PLEKHG1: variants seen among roughly 807,000 people sequenced by gnomAD.
PLEKHG1 encodes the protein pleckstrin homology and RhoGEF domain containing G1.
Under a neutral mutation model 100.8 loss-of-function variants are expected in PLEKHG1, and 44 were observed. The observed-to-expected ratio is 0.44, with a 90% CI of 0.34 to 0.56. PLEKHG1 has a LOEUF of 0.56. Among genes scored for constraint, PLEKHG1 ranks in the 20% least tolerant of loss-of-function variants. The probability of loss-of-function intolerance (pLI) is 0.01; values close to 1 mark genes in which losing one functional copy is unlikely to be tolerated. For synonymous variants in PLEKHG1, 640 were observed against 662.5 expected (o/e 0.97, Z 0.52); for missense variants, 1,545 against 1,720.9 (o/e 0.90, Z 1.81).
intron 3 of PLEKHG1, among the ~76,000 whole-genome samples, chr6:150,677,626 T>C (rs942262924): frequency 6.6e-6 from 1 of 152,066 alleles, no homozygotes; most frequent in Non-Finnish European, 1.5e-5. Flanking sequence ...TGTCAGTGCT[T>C]TGGGAAGCTG....
chr6:150,602,819 A>C (rs752600725), intron 1 of PLEKHG1, among the ~76,000 whole-genome samples: 1 of 152,220 alleles, frequency 6.6e-6, no homozygotes, highest in Non-Finnish European at 1.5e-5. Flanking sequence ...TGTTGGTTGC[A>C]TGGAGACATA....
chr6:150,833,506 C>G, intron 15 of PLEKHG1, among the ~76,000 whole-genome samples: 1 of 152,188 alleles, frequency 6.6e-6, no homozygotes, highest in Non-Finnish European at 1.5e-5. Flanking sequence ...AGGATCAGGA[C>G]TATGGGAATG....
chr6:150,626,697 G>A (rs1777527373), intron 1 of PLEKHG1, among the ~76,000 whole-genome samples: 1 of 152,144 alleles, frequency 6.6e-6, no homozygotes, highest in Non-Finnish European at 1.5e-5. Flanking sequence ...CATTTCAGAA[G>A]GGCTCAAAGG....
At chr6:150,670,518 A>G (rs375027391) in intron 3 of PLEKHG1, among the ~76,000 whole-genome samples, 127 of 152,340 alleles carry the variant, frequency 8.3e-4, no homozygotes, top group African/African-American at 2.9e-3. Context: ...CACAAATCTG[A>G]GCATGGGCGC....
chr6:150,830,882 G>A lies in PLEKHG1; in HGVS notation c.1771G>A (p.Gly591Arg), dbSNP rs1286974310. 1.5e-5 allele frequency: 25 copies of A among 1,614,016 alleles called. No individual in the cohort carries two copies. Among genetic ancestry groups the A allele is most frequent in the Non-Finnish European group, 1.9e-5 (23 of 1,180,016 alleles). The change falls in exon 15 of 16, where the codon GGA becomes AGA. Residue 591 changes from glycine to arginine, a missense_variant. Physicochemically the swap from Gly to Arg is moderately radical, Grantham distance 125 (BLOSUM62 -2). Coordinates refer to ENST00000358517, the Ensembl canonical transcript of PLEKHG1. ...TAGTCGCCCTTGCAGCTGGCATATG[G>A]GACAGATGGAGTCCACAGAGACCTC...
chr6:150,685,274 A>G (rs2128590816), intron 3 of PLEKHG1, among the ~76,000 whole-genome samples: 1 of 152,102 alleles, frequency 6.6e-6, no homozygotes, highest in South Asian at 2.1e-4. Context: ...AGCCTGTTTT[A>G]TTGACTCTGG....
rs1337947075 is a variant in PLEKHG1 at position 150,742,581 on chromosome 6, A to G, written c.411+8489A>G. Among the ~76,000 whole-genome samples the G allele has an allele frequency of 1.7e-4, 26 of 150,608 alleles. 1 individual carries two copies. In the South Asian group the frequency reaches 5.1e-3, roughly 29 times the overall value. ...CTCCATCTCAAAAAAAAAAAAAAAA[A>G]AAAAAAAAAAAGAGCGCAGGGAGGG... On this transcript the variant is annotated intron_variant, in intron 2 of 15. Transcript: ENST00000358517.
exon 3 of PLEKHG1, chr6:150,768,664 A>G (rs773864877): frequency 6.2e-7 from 1 of 1,612,718 alleles, no homozygotes; most frequent in African/African-American, 1.3e-5. Context: ...TCAGGGACCA[A>G]ACAAAACTTC....
intron 1 of PLEKHG1, among the ~76,000 whole-genome samples, chr6:150,601,287 C>T (rs982532342): frequency 5.3e-5 from 8 of 152,204 alleles, no homozygotes; most frequent in African/African-American, 1.9e-4. Context: ...CTGTTAAAAA[C>T]ATTTCCAAGC....
At chr6:150,818,137 G>GAA in intron 10 of PLEKHG1, 46 bp from the exon 12 acceptor site, 9 of 1,486,768 alleles carry the variant, frequency 6.1e-6, no homozygotes, top group Non-Finnish European at 8.4e-6. Flanking sequence ...GGAGTTTAAA[G>GAA]AAAAAAAAAG....
At chr6:150,691,559 G>A (rs1434468226) in intron 3 of PLEKHG1, among the ~76,000 whole-genome samples, 1 of 152,184 alleles carries the variant, frequency 6.6e-6, no homozygotes, top group South Asian at 2.1e-4. Flanking sequence ...CTGTAGAGCT[G>A]TACACCCTGT....
intron 3 of PLEKHG1, among the ~76,000 whole-genome samples, chr6:150,778,128 A>G (rs1785097763): frequency 6.6e-6 from 1 of 152,170 alleles, no homozygotes; most frequent in Admixed American, 6.5e-5. Flanking sequence ...CCTGGTTTGC[A>G]ATTCCATTCT....
intron 3 of PLEKHG1, among the ~76,000 whole-genome samples, chr6:150,785,667 C>A (rs1176230251): frequency 6.6e-6 from 1 of 152,090 alleles, no homozygotes. Flanking sequence ...CTTGACTCTT[C>A]CAATGGATTG....
At chr6:150,760,839 C>T (rs562952693) in intron 2 of PLEKHG1, among the ~76,000 whole-genome samples, 2 of 151,804 alleles carry the variant, frequency 1.3e-5, no homozygotes, top group Non-Finnish European at 2.9e-5. Context: ...ACTGCAATTT[C>T]GAAAATAAAT....
intron 13 of PLEKHG1, 149 bp downstream of exon 14, chr6:150,821,382 A>G (rs1264555739): frequency 3.0e-6 from 2 of 664,460 alleles, no homozygotes; most frequent in Admixed American, 2.7e-5. Context: ...AAAGTGTCCC[A>G]TTATAAAATA....
At chr6:150,836,648 C>T (rs1777235286) in intron 15 of PLEKHG1, among the ~76,000 whole-genome samples, 1 of 151,964 alleles carries the variant, frequency 6.6e-6, no homozygotes, top group Non-Finnish European at 1.5e-5. Context: ...AAGACTTTCT[C>T]TCTACAAAAA....
chr6:150,830,475 A>C, intron 14 of PLEKHG1, 107 bp from the exon 16 acceptor site: 1 of 772,070 alleles, frequency 1.3e-6, no homozygotes, highest in East Asian at 2.6e-5. Context: ...ATAAAAGAAT[A>C]TTAAAGCCTA....
chr6:150,722,679 C>T (rs190724669), intron 1 of PLEKHG1, among the ~76,000 whole-genome samples: 1 of 152,268 alleles, frequency 6.6e-6, no homozygotes, highest in East Asian at 1.9e-4. Context: ...AAGAACATGT[C>T]TAATGTACTT....
exon 2 of PLEKHG1, chr6:150,733,631 C>T (rs1782397129): frequency 1.2e-6 from 2 of 1,613,880 alleles, no homozygotes; most frequent in Middle Eastern, 1.6e-4. Flanking sequence ...AACCAAAGTT[C>T]CACATCCCAA....
Sources: allele counts gnomAD v4.1 joint callset (sites outside exome capture counted in the v4.1 genomes callset), GRCh38; gene constraint gnomAD v4.1.1; transcripts MANE v1.5; gene names NCBI Gene and HGNC (gene_info 2026-07-23, HGNC 2026-07-21).